Variants in HECTD4 observed in about 807,000 individuals in gnomAD.
The protein encoded by HECTD4 is probable E3 ubiquitin-protein ligase HECTD4.
HECTD4 carries 114 observed loss-of-function variants against 471.5 expected under a neutral mutation model. That is an observed-to-expected ratio of 0.24 (90% confidence interval 0.21 to 0.28). The LOEUF (loss-of-function observed/expected upper bound fraction) is 0.28. Among genes scored for constraint, HECTD4 ranks in the 10% least tolerant of loss-of-function variants. The pLI is 1.00. For synonymous variants in HECTD4, 2,012 were observed against 2,256.0 expected, an observed-to-expected ratio of 0.89 and a Z score of 3.07; for missense variants, 3,866 against 5,651.5, an observed-to-expected ratio of 0.68 and a Z score of 10.13.
At chr12:112,246,323 T>A (rs2033760446) in intron 29 of HECTD4, among the ~76,000 whole-genome samples, 1 of 152,002 alleles carries the variant, frequency 6.6e-6, no homozygotes, top group Non-Finnish European at 1.5e-5. Context: ...TACTATGAAA[T>A]ATAATTATAT....
chr12:112,163,383 G>A lies in HECTD4; in HGVS notation c.12898-119C>T, dbSNP rs760024312. 12 of 1,082,168 alleles carry A rather than the reference G, an allele frequency of 1.1e-5. No individual in the cohort carries two copies. The highest frequency in any genetic ancestry group is 1.6e-5 in the Non-Finnish European group (12 of 756,772). 67.0% of individuals were successfully genotyped at this position (1,082,168 alleles called of 1,614,324 possible). Reference sequence around the variant, plus strand: ...GGGCAGGGTGCAACGTGTGGGCTGTGAGCACAGGGAGATGACAATGATGAC... The same window carrying A: ...GGGCAGGGTGCAACGTGTGGGCTGTAAGCACAGGGAGATGACAATGATGAC... On this transcript the variant is annotated intron_variant, in intron 74 of 75. Coordinates refer to ENST00000682272, the MANE Select transcript of HECTD4 (RefSeq NM_001388303.1). The surrounding 1 kb of genome is among the most constrained non-coding windows in gnomAD (Gnocchi z 8.2).
At chr12:112,295,824 T>TACACAC (rs368319930) in intron 7 of HECTD4, among the ~76,000 whole-genome samples, 229 of 149,164 alleles carry the variant, frequency 1.5e-3, no homozygotes, top group African/African-American at 4.9e-3. Flanking sequence ...TATATATATA[T>TACACAC]ACACACACAC....
chr12:112,199,622 T>C (rs998750971), intron 55 of HECTD4, among the ~76,000 whole-genome samples: 6 of 152,230 alleles, frequency 3.9e-5, no homozygotes, highest in Admixed American at 3.3e-4. Context: ...AAAGGAATAA[T>C]TCTCAGGGGA....
In HECTD4 at chr12:112,217,383, C is replaced by T. The variant is rs557648926; in HGVS notation, c.7075-188G>A. On this transcript the variant is annotated intron_variant, in intron 45 of 75. Transcript: ENST00000682272. ...ATTTATTTATTTAGAGACAGAGTCT[C>T]ACTCCTATCACCCAGACTGGAGTGC... Among the ~76,000 whole-genome samples the T allele has an allele frequency of 7.9e-5, 12 of 152,138 alleles. No homozygotes were observed. The East Asian group carries it at 2.3e-3, about 29-fold the overall frequency.
chr12:112,312,340 C>T (rs1466774819), intron 4 of HECTD4, among the ~76,000 whole-genome samples: 2 of 152,110 alleles, frequency 1.3e-5, no homozygotes, highest in Non-Finnish European at 1.5e-5. Context: ...TCTTGGCAAG[C>T]CTGCAATTCC....
intron 6 of HECTD4, 85 bp from the exon 7 acceptor site, chr12:112,306,319 C>A: frequency 9.0e-7 from 1 of 1,113,954 alleles, no homozygotes; most frequent in South Asian, 3.2e-5. Flanking sequence ...TGCCATTATG[C>A]CCAAGATGAG....
Position 112,163,002 on chromosome 12 carries a change from G to T in HECTD4, c.13120+40C>A. On this transcript the variant is annotated intron_variant, in intron 75 of 75. Transcript: ENST00000682272. This position sits in a 1 kb window ranked among gnomAD's most constrained non-coding sequence, Gnocchi z 8.2. ...CCCAGTTCCAAACAGAGAAAGGCTA[G>T]TGTGTCCCTACTTGGGACATGGCCA... The T allele has an allele frequency of 6.9e-7, 1 of 1,447,888 alleles. No individual in the cohort carries two copies. Among genetic ancestry groups the T allele is most frequent in the Non-Finnish European group, 9.6e-7 (1 of 1,043,462 alleles). 89.7% of individuals were successfully genotyped at this position (1,447,888 alleles called of 1,614,324 possible). A position where few individuals can be genotyped will look rare whatever the true frequency, so the allele number is the denominator to read the frequency against.
At chr12:112,356,405 CTCTT>C (rs1281050027) in intron 1 of HECTD4, among the ~76,000 whole-genome samples, 2 of 152,088 alleles carry the variant, frequency 1.3e-5, no homozygotes, top group African/African-American at 4.8e-5. Flanking sequence ...CCGTCTCACT[CTCTT>C]TCTGGTGTGT....
chr12:112,292,953 C>T (rs1371808815), intron 7 of HECTD4, among the ~76,000 whole-genome samples: 4 of 151,654 alleles, frequency 2.6e-5, no homozygotes, highest in African/African-American at 9.7e-5. Flanking sequence ...ACCCAGGAGG[C>T]GGAGGTTGCA....
intron 1 of HECTD4, among the ~76,000 whole-genome samples, chr12:112,334,771 T>C (rs758283895): frequency 2.0e-5 from 3 of 148,790 alleles, no homozygotes; most frequent in Non-Finnish European, 4.5e-5. Context: ...GATCCTGCCA[T>C]TGCAGTCCAG....
At position 112,248,055 on chromosome 12, in the gene HECTD4, C is replaced by A; in HGVS notation, c.4248+12G>T. On this transcript the variant is annotated intron_variant, in intron 27 of 75. Coordinates refer to ENST00000682272, the MANE Select transcript of HECTD4 (RefSeq NM_001388303.1). Reference sequence around the variant, plus strand: ...GGCAATACCCCAGTGACAAATCATACAATTTGCTCACCTCATTAAAATGGT... The same window carrying A: ...GGCAATACCCCAGTGACAAATCATAAAATTTGCTCACCTCATTAAAATGGT... The A allele has an allele frequency of 2.5e-6, 4 of 1,596,344 alleles. No homozygotes were observed. Among genetic ancestry groups the A allele is most frequent in the Non-Finnish European group, 3.4e-6 (4 of 1,166,366 alleles).
chr12:112,302,338 C>G, intron 7 of HECTD4: 1 of 757,550 alleles, frequency 1.3e-6, no homozygotes, highest in Non-Finnish European at 2.4e-6. Flanking sequence ...ACAGCCTCTG[C>G]TTCTTCTCTT....
At chr12:112,272,866 C>G (rs755887040) in intron 11 of HECTD4, among the ~76,000 whole-genome samples, 19 of 152,206 alleles carry the variant, frequency 1.2e-4, no homozygotes, top group South Asian at 2.1e-4. Flanking sequence ...AGTCAGCCCC[C>G]TCTGGCAGCA....
chr12:112,320,061 G>A (rs777328963), intron 1 of HECTD4, among the ~76,000 whole-genome samples: 12 of 152,286 alleles, frequency 7.9e-5, no homozygotes, highest in South Asian at 2.1e-4. Context: ...AAAGCCAGGC[G>A]TGGTGGCTCA....
chr12:112,286,326 C>T (rs1401197891), intron 7 of HECTD4, among the ~76,000 whole-genome samples: 1 of 152,186 alleles, frequency 6.6e-6, no homozygotes, highest in Non-Finnish European at 1.5e-5. Flanking sequence ...CCTGTCTTCC[C>T]ACTTCCACAG....
At chr12:112,211,068 T>C (rs1190246004) in intron 49 of HECTD4, among the ~76,000 whole-genome samples, 1 of 152,190 alleles carries the variant, frequency 6.6e-6, no homozygotes, top group Admixed American at 6.5e-5. Flanking sequence ...AGACGGAGTC[T>C]TGGCCGGATG....
chr12:112,254,276 G>T, intron 21 of HECTD4, 114 bp from the exon 22 acceptor site: 1 of 1,276,670 alleles, frequency 7.8e-7, no homozygotes. Context: ...AGGCATTGGT[G>T]TCATTATAGT....
At chr12:112,206,297 C>A (rs369688738) in intron 52 of HECTD4, among the ~76,000 whole-genome samples, 2 of 151,896 alleles carry the variant, frequency 1.3e-5, no homozygotes, top group East Asian at 3.9e-4. Context: ...GAGTTCAAGA[C>A]CACCCTGAGG....
rs762072048 is a variant in HECTD4, at chr12:112,217,087, C to T, written c.7183G>A (p.Gly2395Arg). ...ATAAAAGTGCCCCGGGGCAGGCCTCCCCCAGCGCTGGGGTCAGCCAGGAAG... is the reference window on the plus strand; with the variant it reads ...ATAAAAGTGCCCCGGGGCAGGCCTCTCCCAGCGCTGGGGTCAGCCAGGAAG... ...VTFLADPSAG[G>R]GLPRGTFIYA... The change falls in exon 46 of 76, where the codon GGA (glycine) becomes AGA (arginine). Residue 2395 changes from glycine (G) to arginine (R), a missense_variant. By Grantham distance (125) the Gly-to-Arg change is moderately radical. Transcript: ENST00000682272. 6.3e-7 allele frequency: 1 copy of T among 1,588,960 alleles called. No homozygotes were observed. Among genetic ancestry groups the T allele is most frequent in the Non-Finnish European group, 8.6e-7 (1 of 1,167,386 alleles).
Sources: gnomAD v4.1 joint callset for allele counts (sites outside exome capture counted in the v4.1 genomes callset) on GRCh38, gnomAD v4.1.1 for gene constraint, Gnocchi (gnomAD v3.1) non-coding constraint, MANE v1.5 for transcripts, NCBI Gene and HGNC (gene_info 2026-07-23, HGNC 2026-07-21) for gene names.